Variants in LIPC observed in about 807,000 individuals in gnomAD.
The protein encoded by LIPC is lipase C, hepatic type, also known as hepatic triacylglycerol lipase.
A neutral mutation model predicts 50.7 loss-of-function variants in LIPC; 44 were observed. The ratio of observed to expected loss-of-function variants is 0.87; its 90% confidence interval spans 0.68 to 1.11. The LOEUF is 1.11. LIPC is among the 50% of genes most tolerant of loss of function. LIPC has a pLI of 0.00. For synonymous variants in LIPC, 271 were observed against 256.4 expected (o/e 1.06, Z -0.54); for missense variants, 697 against 648.2 (o/e 1.08, Z -0.82).
At chr15:58,513,950 C>T (rs1196792648) in intron 1 of LIPC, among the ~76,000 whole-genome samples, 2 of 152,164 alleles carry the variant, frequency 1.3e-5, no homozygotes, top group Admixed American at 1.3e-4. Context: ...AGCCAGAAGG[C>T]CATAATGCAG....
intron 1 of LIPC, among the ~76,000 whole-genome samples, chr15:58,438,293 G>A (rs1373545271): frequency 2.0e-5 from 3 of 152,058 alleles, no homozygotes; most frequent in African/African-American, 7.2e-5. Context: ...CATCATGAGG[G>A]GAATGCAACC....
At chr15:58,499,149 T>C (rs1446677881) in intron 1 of LIPC, among the ~76,000 whole-genome samples, 9 of 152,170 alleles carry the variant, frequency 5.9e-5, no homozygotes, top group Non-Finnish European at 1.3e-4. Context: ...CCAGGGAACA[T>C]GCACATCGAT....
At chr15:58,473,099 G>A (rs987177943) in intron 1 of LIPC, among the ~76,000 whole-genome samples, 6 of 152,158 alleles carry the variant, frequency 3.9e-5, no homozygotes, top group African/African-American at 1.4e-4. Flanking sequence ...TGCAGTCCCA[G>A]CAGCTGGGAC....
intron 8 of LIPC, chr15:58,565,155 G>A: frequency 2.0e-6 from 3 of 1,524,320 alleles, no homozygotes; most frequent in Non-Finnish European, 2.6e-6. Flanking sequence ...ATTACTGAGA[G>A]CATACTCTGC....
At chr15:58,568,038 T>C (rs1219880066) in intron 8 of LIPC, among the ~76,000 whole-genome samples, 1 of 152,192 alleles carries the variant, frequency 6.6e-6, no homozygotes, top group Non-Finnish European at 1.5e-5. Context: ...AGTAATAAAC[T>C]AGAATTTTTC....
intron 6 of LIPC, among the ~76,000 whole-genome samples, chr15:58,549,173 C>T (rs1893655976): frequency 6.6e-6 from 1 of 152,136 alleles, no homozygotes; most frequent in Admixed American, 6.5e-5. Context: ...GGGCTGTGAC[C>T]ACGTCTTAGG....
intron 4 of LIPC, among the ~76,000 whole-genome samples, chr15:58,543,157 C>T (rs973262640): frequency 1.3e-5 from 2 of 152,126 alleles, no homozygotes; most frequent in Admixed American, 1.3e-4. Flanking sequence ...TCAGAAATGG[C>T]CCAAGATATC....
At chr15:58,446,058 G>C (rs917059359) in intron 1 of LIPC, among the ~76,000 whole-genome samples, 2 of 152,158 alleles carry the variant, frequency 1.3e-5, no homozygotes, top group Admixed American at 6.5e-5. Context: ...TATATTTGCT[G>C]TATGTGCATA....
intron 1 of LIPC, among the ~76,000 whole-genome samples, chr15:58,437,878 G>A (rs540824785): frequency 6.6e-6 from 1 of 152,278 alleles, no homozygotes; most frequent in South Asian, 2.1e-4. Context: ...CCCATCCATG[G>A]CCATCCTTCC....
intron 1 of LIPC, among the ~76,000 whole-genome samples, chr15:58,457,165 A>G (rs1361595556): frequency 1.3e-5 from 2 of 152,176 alleles, no homozygotes; most frequent in Non-Finnish European, 2.9e-5. Flanking sequence ...AATGGAGTGC[A>G]AAGGTGCGAT....
At chr15:58,443,838 C>A (rs1893591147) in intron 1 of LIPC, among the ~76,000 whole-genome samples, 3 of 152,064 alleles carry the variant, frequency 2.0e-5, no homozygotes, top group African/African-American at 7.2e-5. Flanking sequence ...GAGTTTGGAG[C>A]AATGTTTTGC....
intron 6 of LIPC, among the ~76,000 whole-genome samples, chr15:58,556,284 G>A (rs1435294544): frequency 6.6e-6 from 1 of 152,182 alleles, no homozygotes; most frequent in African/African-American, 2.4e-5. Flanking sequence ...GTGCCCTTGT[G>A]GAGATACAAG....
chr15:58,496,839 T>C (rs1201331906), intron 1 of LIPC, among the ~76,000 whole-genome samples: 1 of 151,012 alleles, frequency 6.6e-6, no homozygotes, highest in African/African-American at 2.4e-5. Context: ...TCTGCGCCAC[T>C]GCACCCGGCT....
intron 1 of LIPC, among the ~76,000 whole-genome samples, chr15:58,483,058 A>C (rs1891246835): frequency 6.6e-6 from 1 of 152,196 alleles, no homozygotes. Flanking sequence ...TGTTCAGGCT[A>C]AACTATCTCC....
chr15:58,490,943 C>T lies in LIPC; in HGVS notation c.89-47390C>T, dbSNP rs144839844. On this transcript the variant is annotated intron_variant, in intron 1 of 8. Coordinates refer to ENST00000299022, the MANE Select transcript of LIPC (RefSeq NM_000236.3). ...TGGAAGCCTGGCCACAGCTCACCTC[C>T]TAAGGAAAGAGCGAGCCCATTAAAT... Among the ~76,000 whole-genome samples the T allele has an allele frequency of 8.6e-3, 1,313 of 152,262 alleles. 9 individuals carry two copies. Among genetic ancestry groups the T allele is most frequent in the Non-Finnish European group, 0.013 (878 of 68,012 alleles).
At chr15:58,496,225 G>A (rs973124729) in intron 1 of LIPC, among the ~76,000 whole-genome samples, 1 of 152,158 alleles carries the variant, frequency 6.6e-6, no homozygotes, top group Admixed American at 6.5e-5. Context: ...CTGGTATCTA[G>A]TGAGAAGCCA....
chr15:58,549,352 A>T (rs887804043), intron 6 of LIPC, among the ~76,000 whole-genome samples: 4 of 152,196 alleles, frequency 2.6e-5, no homozygotes, highest in Admixed American at 2.6e-4. Flanking sequence ...AAGAAATCTG[A>T]TGTGCTGTTT....
At chr15:58,472,636 G>T (rs1230308453) in intron 1 of LIPC, among the ~76,000 whole-genome samples, 1 of 151,186 alleles carries the variant, frequency 6.6e-6, no homozygotes, top group African/African-American at 2.4e-5. Context: ...TGTGGGAGAG[G>T]GAAAATAGAT....
At chr15:58,453,627 G>A (rs1047951358) in intron 1 of LIPC, among the ~76,000 whole-genome samples, 12 of 152,044 alleles carry the variant, frequency 7.9e-5, no homozygotes, top group Middle Eastern at 3.2e-3. Flanking sequence ...GTACATTGGC[G>A]CGGTGGCTTA....
Sources: gnomAD v4.1 joint callset for allele counts (sites outside exome capture counted in the v4.1 genomes callset) on GRCh38, gnomAD v4.1.1 for gene constraint, MANE v1.5 for transcripts, NCBI Gene and HGNC (gene_info 2026-07-23, HGNC 2026-07-21) for gene names.